Variants in SNTG1 observed in about 807,000 individuals in gnomAD.
The protein encoded by SNTG1 is syntrophin gamma 1.
Under a neutral mutation model 74.7 loss-of-function variants are expected in SNTG1, and 39 were observed. The observed-to-expected ratio is 0.52, with a 90% CI of 0.40 to 0.68. The LOEUF is 0.68. SNTG1 is among the 30% of genes least tolerant of loss of function. The probability of loss-of-function intolerance (pLI) is 0.00; values close to 1 mark genes in which losing one functional copy is unlikely to be tolerated. For synonymous variants in SNTG1, 254 were observed against 217.1 expected (o/e 1.17, Z -1.49); for missense variants, 685 against 609.5 (o/e 1.12, Z -1.30).
chr8:50,577,193 A>C (rs182344639), intron 12 of SNTG1, among the ~76,000 whole-genome samples: 14 of 152,082 alleles, frequency 9.2e-5, no homozygotes, highest in African/African-American at 3.4e-4. Flanking sequence ...AAGAGTGTAG[A>C]ATTTTGTCAA....
At chr8:50,313,602 G>C (rs1008701237) in intron 2 of SNTG1, among the ~76,000 whole-genome samples, 1 of 149,834 alleles carries the variant, frequency 6.7e-6, no homozygotes, top group Non-Finnish European at 1.5e-5. Context: ...AAACCAAAAT[G>C]AGCTATACCT....
chr8:50,646,720 T>TA (rs2095111511), intron 13 of SNTG1, among the ~76,000 whole-genome samples: 1 of 152,146 alleles, frequency 6.6e-6, no homozygotes. Context: ...AAACTCTTTC[T>TA]AAAGTTTATA....
chr8:49,939,211 C>G (rs1808454183), intron 1 of SNTG1, among the ~76,000 whole-genome samples: 1 of 152,024 alleles, frequency 6.6e-6, no homozygotes, highest in African/African-American at 2.4e-5. Context: ...TTGGCATTAG[C>G]CACCCTTTAA....
chr8:50,376,694 TAA>T (rs756123025), intron 2 of SNTG1, among the ~76,000 whole-genome samples: 53 of 143,618 alleles, frequency 3.7e-4, no homozygotes, highest in Non-Finnish European at 6.3e-4. Flanking sequence ...AGAAGTAGAT[TAA>T]ATATATAATA....
At chr8:50,435,349 C>A (rs192255213) in intron 4 of SNTG1, among the ~76,000 whole-genome samples, 41 of 152,260 alleles carry the variant, frequency 2.7e-4, no homozygotes, top group Admixed American at 2.5e-3. Context: ...AAGGACGGTG[C>A]TTTGTTACCT....
At chr8:50,245,859 G>A (rs536438005) in intron 2 of SNTG1, among the ~76,000 whole-genome samples, 41 of 152,068 alleles carry the variant, frequency 2.7e-4, no homozygotes, top group East Asian at 1.7e-3. Flanking sequence ...GTCATTATGC[G>A]TGATAGAACG....
intron 4 of SNTG1, among the ~76,000 whole-genome samples, chr8:50,411,929 GT>G (rs2092954622): frequency 6.6e-6 from 1 of 152,156 alleles, no homozygotes; most frequent in Non-Finnish European, 1.5e-5. Flanking sequence ...CTGGGCAGCA[GT>G]CCCCAGGGAC....
intron 13 of SNTG1, among the ~76,000 whole-genome samples, chr8:50,617,877 G>T (rs2094895977): frequency 6.6e-6 from 1 of 152,186 alleles, no homozygotes; most frequent in Non-Finnish European, 1.5e-5. Flanking sequence ...ACCAGGCCCA[G>T]GGTGTGGCAC....
At chr8:50,780,431 G>T (rs555134259) in intron 18 of SNTG1, among the ~76,000 whole-genome samples, 1 of 152,270 alleles carries the variant, frequency 6.6e-6, no homozygotes, top group South Asian at 2.1e-4. Flanking sequence ...TTTAGTCTTG[G>T]TAGCGTGTAT....
chr8:50,181,537 T>C (rs1269277126), intron 2 of SNTG1, among the ~76,000 whole-genome samples: 2 of 152,164 alleles, frequency 1.3e-5, no homozygotes, highest in East Asian at 1.9e-4. Flanking sequence ...ATTTTATAAA[T>C]TTAATTGGGT....
chr8:50,384,186 GATGCC>G (rs2092537121), intron 2 of SNTG1, among the ~76,000 whole-genome samples: 4 of 152,284 alleles, frequency 2.6e-5, no homozygotes, highest in African/African-American at 7.2e-5. Flanking sequence ...CCACCTGGCT[GATGCC>G]ATAACTGTTT....
At chr8:50,298,626 C>T (rs919759845) in intron 2 of SNTG1, among the ~76,000 whole-genome samples, 1 of 152,082 alleles carries the variant, frequency 6.6e-6, no homozygotes, top group Non-Finnish European at 1.5e-5. Context: ...AATCAAGATA[C>T]ATTTAATAAA....
intron 11 of SNTG1, among the ~76,000 whole-genome samples, chr8:50,543,515 AT>A (rs2094363813): frequency 1.3e-5 from 2 of 151,614 alleles, no homozygotes; most frequent in African/African-American, 4.8e-5. Flanking sequence ...AAGTAGTTTT[AT>A]TTTTTCAGTT....
At chr8:50,699,162 G>A (rs999936748) in intron 15 of SNTG1, among the ~76,000 whole-genome samples, 3 of 151,578 alleles carry the variant, frequency 2.0e-5, no homozygotes, top group African/African-American at 7.3e-5. Context: ...TTTTAAAAAG[G>A]GTTCTGGGAA....
chr8:50,031,017 C>A (rs1200153401), intron 1 of SNTG1, among the ~76,000 whole-genome samples: 1 of 151,694 alleles, frequency 6.6e-6, no homozygotes, highest in Non-Finnish European at 1.5e-5. Context: ...TGTCAGCAGT[C>A]CTTTATGATT....
chr8:50,041,051 C>T (rs574566145), intron 1 of SNTG1, among the ~76,000 whole-genome samples: 3 of 152,208 alleles, frequency 2.0e-5, no homozygotes, highest in Admixed American at 6.5e-5. Context: ...CATGTTCCAC[C>T]ATGCCCGGCT....
chr8:50,059,624 A>G (rs1051784834), intron 1 of SNTG1, among the ~76,000 whole-genome samples: 2 of 152,050 alleles, frequency 1.3e-5, no homozygotes, highest in African/African-American at 4.8e-5. Flanking sequence ...CACTTCTTTC[A>G]CTTAGCATAA....
intron 18 of SNTG1, among the ~76,000 whole-genome samples, chr8:50,781,774 T>G (rs1022148182): frequency 2.0e-5 from 3 of 152,216 alleles, no homozygotes; most frequent in African/African-American, 4.8e-5. Flanking sequence ...TTGTGCGCGT[T>G]CGTTGATGCA....
At chr8:50,238,674 C>T (rs1348818252) in intron 2 of SNTG1, among the ~76,000 whole-genome samples, 1 of 152,098 alleles carries the variant, frequency 6.6e-6, no homozygotes, top group Non-Finnish European at 1.5e-5. Flanking sequence ...CTTTGCACAG[C>T]TAATGAAACT....
Sources: gnomAD v4.1 joint callset for allele counts (sites outside exome capture counted in the v4.1 genomes callset) on GRCh38, gnomAD v4.1.1 for gene constraint, MANE v1.5 for transcripts, NCBI Gene and HGNC (gene_info 2026-07-23, HGNC 2026-07-21) for gene names.